Variants in C1R observed in about 807,000 individuals in gnomAD.
The protein encoded by C1R is complement C1r subcomponent.
C1R carries 15 observed loss-of-function variants against 27.6 expected under a neutral mutation model. That is an observed-to-expected ratio of 0.54 (90% confidence interval 0.36 to 0.84). The LOEUF (loss-of-function observed/expected upper bound fraction) is 0.84, where lower values mean the gene tolerates loss of function less well. C1R is among the 40% of genes least tolerant of loss of function. The pLI is 0.01. For missense variants in C1R, 544 were observed against 577.9 expected (o/e 0.94, Z 0.60); for synonymous variants, 253 against 228.8 (o/e 1.11, Z -0.95).
Position 7,091,385 on chromosome 12 carries a change from C to T in C1R, c.231+67G>A. The T allele has an allele frequency of 1.4e-6, 1 of 707,502 alleles. No homozygotes were observed. Among genetic ancestry groups the T allele is most frequent in the Non-Finnish European group, 2.6e-6 (1 of 382,842 alleles). The allele number at this position is 707,502 out of a possible 1,614,324, so 43.8% of individuals were successfully genotyped here. A position where few individuals can be genotyped will look rare whatever the true frequency, so the allele number is the denominator to read the frequency against. On this transcript the variant is annotated intron_variant, in intron 2 of 10. Coordinates refer to ENST00000647956, the MANE Select transcript of C1R (RefSeq NM_001733.7). This position sits in a 1 kb window ranked among gnomAD's most constrained non-coding sequence, Gnocchi z 5.1. ...TGGGCTGTGTCTGGGGGTGTGCATG[C>T]CATACAGATCCCAGATCCCAGAGGG...
rs112855479 is a variant in C1R, at chr12:7,088,732, C to T, written c.917-1G>A. 1.3e-6 allele frequency: 1 copy of T among 777,838 alleles called. No individual in the cohort carries two copies. The highest frequency in any genetic ancestry group is 2.4e-6 in the Non-Finnish European group (1 of 416,810). 48.2% of individuals were successfully genotyped at this position (777,838 alleles called of 1,614,324 possible). ...GTCTTGGGCTGGGGGCACTTGATGACTGTTGGGGAGACCAGGGGGCATATT... is the reference window on the plus strand; with the variant it reads ...GTCTTGGGCTGGGGGCACTTGATGATTGTTGGGGAGACCAGGGGGCATATT... On this transcript the variant is annotated splice_acceptor_variant, in intron 6 of 10. Transcript: ENST00000647956. LOFTEE classifies it high-confidence loss of function.
At chr12:7,092,130 T>TCCC (rs1335408009) in intron 1 of C1R, 2 of 599,832 alleles carry the variant, frequency 3.3e-6, no homozygotes, top group Non-Finnish European at 6.0e-6. Context: ...GGGCAAGGGG[T>TCCC]CCCCTCCTCT....
rs1474155338 is a variant in C1R, at chr12:7,091,759, T to G, written c.3-79A>C. On this transcript the variant is annotated intron_variant, in intron 1 of 10. Transcript: ENST00000647956. The surrounding 1 kb of genome is among the most constrained non-coding windows in gnomAD (Gnocchi z 5.1). ...TGTGGGCAGTGGCTGTGGCAGGGGA[T>G]GAGACGGCCATACCACTGGGCATTC... The G allele has an allele frequency of 1.4e-6, 1 of 716,450 alleles. No individual in the cohort carries two copies. The highest frequency in any genetic ancestry group is 2.6e-6 in the Non-Finnish European group (1 of 385,028). 44.4% of individuals were successfully genotyped at this position (716,450 alleles called of 1,614,324 possible).
chr12:7,091,132 A>G lies in C1R; in HGVS notation c.231+320T>C. 1 of 334,228 alleles carries G rather than the reference A, an allele frequency of 3.0e-6. No homozygotes were observed. The highest frequency in any genetic ancestry group is 5.5e-6 in the Non-Finnish European group (1 of 181,142). 20.7% of individuals were successfully genotyped at this position (334,228 alleles called of 1,614,324 possible). On this transcript the variant is annotated intron_variant, in intron 2 of 10. Transcript: ENST00000647956. This position sits in a 1 kb window ranked among gnomAD's most constrained non-coding sequence, Gnocchi z 5.1. ...GCAGCCATGTCAATCATTTCCTTGG[A>G]GACAGGGAAGCTGAGGCACAGTGGT...
Position 7,080,266 on chromosome 12 carries a change from C to G in C1R, c.*266G>C. On this transcript the variant is annotated 3_prime_UTR_variant, in exon 11 of 11. Coordinates refer to ENST00000647956, the MANE Select transcript of C1R (RefSeq NM_001733.7). This position sits in a 1 kb window ranked among gnomAD's most constrained non-coding sequence, Gnocchi z 4.9. Reference sequence around the variant, plus strand: ...TTTGGAAAAAGTTATATTCAATGACCCAATGGTATCAAAGTGGAAGAGGAA... The same window carrying G: ...TTTGGAAAAAGTTATATTCAATGACGCAATGGTATCAAAGTGGAAGAGGAA... 1 of 1,150,342 alleles carries G rather than the reference C, an allele frequency of 8.7e-7. No homozygotes were observed. 71.3% of individuals were successfully genotyped at this position (1,150,342 alleles called of 1,614,324 possible). A position where few individuals can be genotyped will look rare whatever the true frequency, so the allele number is the denominator to read the frequency against.
In C1R at chr12:7,081,295, C is replaced by T. The variant is rs1299605108; in HGVS notation, c.1355G>A (p.Gly452Glu). The T allele has an allele frequency of 6.2e-7, 1 of 1,609,460 alleles. No homozygotes were observed. Among genetic ancestry groups the T allele is most frequent in the Non-Finnish European group, 8.5e-7 (1 of 1,177,966 alleles). Residue 452 changes from glycine to glutamate, a missense_variant, in exon 11 of 11, where the codon GGG becomes GAG. By Grantham distance (98) the Gly-to-Glu change is moderately conservative (BLOSUM62 -2). Transcript: ENST00000647956. ...EKIPRCLPVC[G>E]KPVNPVEQRQ... is the part of the protein sequence containing the mutation. Reference sequence around the variant, plus strand: ...CTGTTCCACGGGGTTCACGGGCTTCCCACACACTGAGGGAGAGACAGGGAA... The same window carrying T: ...CTGTTCCACGGGGTTCACGGGCTTCTCACACACTGAGGGAGAGACAGGGAA...
Position 7,090,132 on chromosome 12 carries a change from G to A in C1R, c.348C>T (p.Phe116=). 1.3e-6 allele frequency: 1 copy of A among 776,934 alleles called. No homozygotes were observed. The highest frequency in any genetic ancestry group is 2.3e-4 in the Middle Eastern group (1 of 4,436). 48.1% of individuals were successfully genotyped at this position (776,934 alleles called of 1,614,324 possible). ...TCTCCTCGTTGGAGAAGTCTGTGTG[G>A]AAGGTCAGCAGCATCTTGTTCCCTT... The part of the protein sequence containing the change: ...MSQGNKMLLT[F]HTDFSNEENG... The change falls in exon 3 of 11, where the codon TTC becomes TTT. Residue 116 remains phenylalanine (F), a synonymous_variant. Transcript: ENST00000647956.
In C1R at chr12:7,091,004, C is replaced by A. The variant is rs1456672139; in HGVS notation, c.231+448G>T. Among the ~76,000 whole-genome samples the A allele has an allele frequency of 1.3e-5, 2 of 152,204 alleles. No homozygotes were observed. Among genetic ancestry groups the A allele is most frequent in the African/African-American group, 4.8e-5 (2 of 41,448 alleles). On this transcript the variant is annotated intron_variant, in intron 2 of 10. Transcript: ENST00000647956. The surrounding 1 kb of genome is among the most constrained non-coding windows in gnomAD (Gnocchi z 5.1). ...CCTGGGAAGGTACCCTTGGTTGCCA[C>A]AGAGGTGAGGGTTCTGAGCACACTG...
rs200018198 is a variant in C1R at position 7,089,628 on chromosome 12, C to T, written c.530G>A (p.Arg177His). The T allele has an allele frequency of 1.6e-4, 127 of 780,778 alleles. No homozygotes were observed. The highest frequency in any genetic ancestry group is 2.6e-4 in the Non-Finnish European group (108 of 417,992). The allele number at this position is 780,778 out of a possible 1,614,324, so 48.4% of individuals were successfully genotyped here. A position where few individuals can be genotyped will look rare whatever the true frequency, so the allele number is the denominator to read the frequency against. The part of the protein sequence containing the change: ...NYVGGYFCSC[R>H]PGYELQEDRH... ...GTCTTCCTGAAGCTCATAGCCTGGA[C>T]GGCAGGAACAGAAGTAGCCTCCAAC... is the stretch of plus-strand genomic sequence containing the variant. The change falls in exon 4 of 11, where the codon CGT becomes CAT. Residue 177 changes from arginine to histidine, a missense_variant. By Grantham distance (29) the Arg-to-His change is conservative. Coordinates refer to ENST00000647956, the MANE Select transcript of C1R (RefSeq NM_001733.7).
intron 7 of C1R, 91 bp from the exon 8 acceptor site, chr12:7,086,548 C>T (rs1296914195): frequency 5.0e-6 from 2 of 396,348 alleles, no homozygotes; most frequent in Non-Finnish European, 8.9e-6. Context: ...GAGGCAATAC[C>T]AAGACATCTC....
chr12:7,085,105 G>A (rs1345402488), intron 9 of C1R, among the ~76,000 whole-genome samples: 3 of 138,676 alleles, frequency 2.2e-5, no homozygotes, highest in African/African-American at 9.6e-5. Context: ...TTAGTGTGGT[G>A]GTGATGATGA....
chr12:7,092,204 G>C, intron 1 of C1R, 183 bp downstream of exon 1: 1 of 659,342 alleles, frequency 1.5e-6, no homozygotes, highest in South Asian at 1.7e-5. Flanking sequence ...TATGTATGAA[G>C]TCTCCTCTGA....
Position 7,080,971 on chromosome 12 carries a change from A to G in C1R, c.1679T>C (p.Leu560Pro). 2 of 1,613,670 alleles carry G rather than the reference A, an allele frequency of 1.2e-6. No individual in the cohort carries two copies. The highest frequency in any genetic ancestry group is 1.7e-6 in the Non-Finnish European group (2 of 1,179,584). ...ESYNFEGDIA[L>P]LELENSVTLG... ...GGTGACACTATTTTCCAGCTCCAGC[A>G]GGGCGATGTCCCCCTCAAAATTGTA... Residue 560 changes from leucine to proline, a missense_variant, in exon 11 of 11, where the codon CTG becomes CCG. This residue lies in a region of C1R where 253 missense variants were observed against 368.9 expected (regional missense o/e 0.69). Transcript: ENST00000647956. This position sits in a 1 kb window ranked among gnomAD's most constrained non-coding sequence, Gnocchi z 4.9.
At position 7,089,683 on chromosome 12, in the gene C1R, G is replaced by A. The variant is rs1207184106; in HGVS notation, c.475C>T (p.Pro159Ser). 3.8e-6 allele frequency: 3 copies of A among 780,816 alleles called. No homozygotes were observed. The highest frequency in any genetic ancestry group is 7.2e-6 in the Non-Finnish European group (3 of 418,004). The allele number at this position is 780,816 out of a possible 1,614,324, so 48.4% of individuals were successfully genotyped here. A position where few individuals can be genotyped will look rare whatever the true frequency, so the allele number is the denominator to read the frequency against. Residue 159 changes from proline (P) to serine (S), a missense_variant, in exon 4 of 11, where the codon CCC (proline) becomes TCC (serine). Physicochemically the swap from Pro to Ser is moderately conservative, Grantham distance 74. Coordinates refer to ENST00000647956, the MANE Select transcript of C1R (RefSeq NM_001733.7). ...TTGTGACACAGGTGCTGGCACTGGG[G>A]CTGGGGATCCTCCTCCCCTGATTTG... is the stretch of plus-strand genomic sequence containing the variant. ...RSKSGEEDPQPQCQHLCHNYV... is the reference protein window; with the variant it reads ...RSKSGEEDPQSQCQHLCHNYV...
rs1164252693 is a variant in C1R, at chr12:7,088,951, A to G, written c.804T>C (p.Cys268=). Residue 268 remains cysteine (C), a synonymous_variant, in exon 6 of 11, where the codon TGT becomes TGC. Coordinates refer to ENST00000647956, the MANE Select transcript of C1R (RefSeq NM_001733.7). The stretch of plus-strand genomic sequence containing the variant: ...CGAGGTCGGGGGGCCTTTGCTTCCC[A>G]CAGAACTCGCCAATGTTCTTCCCGT... The part of the protein sequence containing the change: ...YANGKNIGEF[C]GKQRPPDLDT... 1 of 749,504 alleles carries G rather than the reference A, an allele frequency of 1.3e-6. No individual in the cohort carries two copies. Among genetic ancestry groups the G allele is most frequent in the East Asian group, 2.5e-5 (1 of 40,006 alleles). 46.4% of individuals were successfully genotyped at this position (749,504 alleles called of 1,614,324 possible).
Position 7,091,860 on chromosome 12 carries a change from C to T in C1R, c.3-180G>A. On this transcript the variant is annotated intron_variant, in intron 1 of 10. Coordinates refer to ENST00000647956, the MANE Select transcript of C1R (RefSeq NM_001733.7). The surrounding 1 kb of genome is among the most constrained non-coding windows in gnomAD (Gnocchi z 5.1). Reference sequence around the variant, plus strand: ...TGGGTGGGGAGGATGGCCTGTGCAGCTGCTGCATCGGGTCACTCTCCAGGG... The same window carrying T: ...TGGGTGGGGAGGATGGCCTGTGCAGTTGCTGCATCGGGTCACTCTCCAGGG... The T allele has an allele frequency of 1.4e-6, 1 of 697,894 alleles. No homozygotes were observed. The highest frequency in any genetic ancestry group is 2.0e-5 in the Admixed American group (1 of 49,870). 43.2% of individuals were successfully genotyped at this position (697,894 alleles called of 1,614,324 possible). A position where few individuals can be genotyped will look rare whatever the true frequency, so the allele number is the denominator to read the frequency against.
intron 7 of C1R, 180 bp from the exon 8 acceptor site, chr12:7,086,637 C>T (rs929580151): frequency 5.2e-6 from 2 of 386,104 alleles, no homozygotes; most frequent in East Asian, 7.3e-5. Context: ...CTCCCCAGCC[C>T]ATTACAGACA....
At chr12:7,086,871 G>T (rs1289525901) in intron 7 of C1R, 3 of 154,980 alleles carry the variant, frequency 1.9e-5, no homozygotes, top group South Asian at 2.1e-4. Flanking sequence ...GCCTCCAGGC[G>T]TGCATCACTT....
At chr12:7,088,504 C>A (rs752771346) in intron 7 of C1R, 106 bp downstream of exon 7, 3 of 717,026 alleles carry the variant, frequency 4.2e-6, no homozygotes, top group Non-Finnish European at 7.8e-6. Context: ...CCAGCTGAAA[C>A]GTCTACGACT....
Sources: gnomAD v4.1 joint callset for allele counts (sites outside exome capture counted in the v4.1 genomes callset) on GRCh38, gnomAD v4.1.1 for gene constraint, gnomAD v4.1.1 regional missense constraint, Gnocchi (gnomAD v3.1) non-coding constraint, MANE v1.5 for transcripts, NCBI Gene and HGNC (gene_info 2026-07-23, HGNC 2026-07-21) for gene names.